Variants in CARMIL2 observed in about 807,000 individuals in gnomAD.
CARMIL2 encodes capping protein, Arp2/3 and myosin-I linker protein 2.
In CARMIL2, 96 loss-of-function variants were observed where a neutral mutation model predicts 173.3. The observed-to-expected ratio is 0.55, with a 90% CI of 0.47 to 0.66. The LOEUF is 0.66. CARMIL2 is among the 30% of genes least tolerant of loss of function. CARMIL2 has a pLI of 0.00. For synonymous variants in CARMIL2, 830 were observed against 817.1 expected (o/e 1.02, Z -0.27); for missense variants, 1,771 against 1,906.7 (o/e 0.93, Z 1.33).
At chr16:67,647,230 G>A (rs2052609928) in intron 9 of CARMIL2, 39 bp downstream of exon 9, 1 of 1,612,076 alleles carries the variant, frequency 6.2e-7, no homozygotes, top group African/African-American at 1.3e-5. Context: ...GGGGCCAAGG[G>A]TGTGGGCCAG....
chr16:67,647,799 G>GAAA, intron 12 of CARMIL2, 33 bp downstream of exon 12: 1 of 1,073,976 alleles, frequency 9.3e-7, no homozygotes, highest in Non-Finnish European at 1.4e-6. Context: ...TGAGGGGAGG[G>GAAA]GGGTGGGGGT....
In CARMIL2 at chr16:67,649,891, G is replaced by T. The variant is rs1341847572; in HGVS notation, c.2005G>T (p.Ala669Ser). The T allele has an allele frequency of 1.9e-6, 3 of 1,612,750 alleles. No homozygotes were observed. ...QALEQNHSLKAMPLPLNDVAQ... is the reference protein window; with the variant it reads ...QALEQNHSLKSMPLPLNDVAQ... ...GCTGGAGCAGAACCACAGCCTGAAGGCCATGCCTCTGCCACTGAACGACGT... is the reference window on the plus strand; with the variant it reads ...GCTGGAGCAGAACCACAGCCTGAAGTCCATGCCTCTGCCACTGAACGACGT... The change falls in exon 21 of 38, where the codon GCC becomes TCC. Residue 669 changes from alanine (A) to serine (S), a missense_variant. Transcript: ENST00000334583. This position sits in a 1 kb window ranked among gnomAD's most constrained non-coding sequence, Gnocchi z 6.7.
At chr16:67,656,181 C>T in intron 33 of CARMIL2, 47 bp from the exon 34 acceptor site, 1 of 1,612,012 alleles carries the variant, frequency 6.2e-7, no homozygotes, top group Non-Finnish European at 8.5e-7. Flanking sequence ...TTTTTCTTCC[C>T]CTCACCTCCA....
chr16:67,652,286 G>A lies in CARMIL2; in HGVS notation c.2764G>A (p.Gly922Arg). The change falls in exon 27 of 38, where the codon GGG becomes AGG. Residue 922 changes from glycine (G) to arginine (R), a missense_variant. Physicochemically the swap from Gly to Arg is moderately radical, Grantham distance 125. This residue lies in a region of CARMIL2 where 817 missense variants were observed against 903.5 expected (regional missense o/e 0.90). Coordinates refer to ENST00000334583, the MANE Select transcript of CARMIL2 (RefSeq NM_001013838.3). This position sits in a 1 kb window ranked among gnomAD's most constrained non-coding sequence, Gnocchi z 4.7. ...DGGEPSLLEP[G>R]ELEGLFFPEE... ...AGGTGAGCCCAGCCTCCTTGAGCCTGGGGAATTGGAAGGTCTTTTCTTCCC... is the reference window on the plus strand; with the variant it reads ...AGGTGAGCCCAGCCTCCTTGAGCCTAGGGAATTGGAAGGTCTTTTCTTCCC... The A allele has an allele frequency of 6.2e-7, 1 of 1,613,334 alleles. No homozygotes were observed. The highest frequency in any genetic ancestry group is 1.1e-5 in the South Asian group (1 of 91,082).
chr16:67,646,448 C>A lies in CARMIL2; in HGVS notation c.397C>A (p.Pro133Thr), dbSNP rs780810870. The change falls in exon 6 of 38, where the codon CCA becomes ACA. Residue 133 changes from proline (P) to threonine (T), a missense_variant. Pro to Thr is a conservative substitution (Grantham distance 38). This residue lies in a region of CARMIL2 where 944 missense variants were observed against 975.6 expected (regional missense o/e 0.97). Transcript: ENST00000334583. This position sits in a 1 kb window ranked among gnomAD's most constrained non-coding sequence, Gnocchi z 4.6. ...CAGGAAGCTATTCCGGAGGCCCACA[C>A]CAGCCTCCATGCTGGCTCGGCTGGA... Reference protein sequence around the residue: ...TLGKLFRRPTPASMLARLERS... With the variant: ...TLGKLFRRPTTASMLARLERS... 6.2e-7 allele frequency: 1 copy of A among 1,613,784 alleles called. No individual in the cohort carries two copies. The highest frequency in any genetic ancestry group is 1.3e-5 in the African/African-American group (1 of 75,046).
In CARMIL2 at chr16:67,654,545, T is replaced by C; in HGVS notation, c.3435T>C (p.Gly1145=). 1 of 1,611,924 alleles carries C rather than the reference T, an allele frequency of 6.2e-7. No homozygotes were observed. The highest frequency in any genetic ancestry group is 1.3e-5 in the African/African-American group (1 of 74,986). Residue 1145 remains glycine, a synonymous_variant, in exon 31 of 38, where the codon GGT becomes GGC. Coordinates refer to ENST00000334583, the MANE Select transcript of CARMIL2 (RefSeq NM_001013838.3). ...LLRPPTRPSR[G]EELGGAEGDT... ...GGCCGCCAACCCGTCCCAGCCGTGG[T>C]GAGGAGCTTGGTGGGGCTGAGGGGG...
chr16:67,653,273 C>T lies in CARMIL2; in HGVS notation c.3120+19C>T. 2 of 1,106,916 alleles carry T rather than the reference C, an allele frequency of 1.8e-6. No homozygotes were observed. The highest frequency in any genetic ancestry group is 2.2e-6 in the Non-Finnish European group (2 of 896,468). 68.6% of individuals were successfully genotyped at this position (1,106,916 alleles called of 1,614,324 possible). ...CCCCCAGGTGAGCACCCTTCCCCCA[C>T]TCCGGAGCGCGTGGAATTGGGGATC... is the stretch of plus-strand genomic sequence containing the variant. On this transcript the variant is annotated intron_variant, in intron 29 of 37. Transcript: ENST00000334583. The surrounding 1 kb of genome is among the most constrained non-coding windows in gnomAD (Gnocchi z 7.4).
Position 67,649,257 on chromosome 16 carries a change from G to A in CARMIL2, c.1692G>A (p.Glu564=). 1 of 1,613,376 alleles carries A rather than the reference G, an allele frequency of 6.2e-7. No individual in the cohort carries two copies. The highest frequency in any genetic ancestry group is 8.5e-7 in the Non-Finnish European group (1 of 1,179,716). Residue 564 remains glutamate, a synonymous_variant, in exon 19 of 38, where the codon GAG becomes GAA. Transcript: ENST00000334583. The surrounding 1 kb of genome is among the most constrained non-coding windows in gnomAD (Gnocchi z 6.7). ...CAACTGCGGCCCCTGCCCACAGGGAGACCCTGGACGACGTCCTGCACCGGA... is the reference window on the plus strand; with the variant it reads ...CAACTGCGGCCCCTGCCCACAGGGAAACCCTGGACGACGTCCTGCACCGGA... The part of the protein sequence containing the change: ...LGRNFNVRCK[E]TLDDVLHRIV...
In CARMIL2 at chr16:67,653,644, G is replaced by C. The variant is rs2052772648; in HGVS notation, c.3120+390G>C. 6.6e-6 allele frequency among the ~76,000 whole-genome samples: 1 copy of C among 152,180 alleles called. No individual in the cohort carries two copies. Among genetic ancestry groups the C allele is most frequent in the African/African-American group, 2.4e-5 (1 of 41,462 alleles). ...GCGCGTCCGGCGGCGGCGCGTGTGG[G>C]GAGATGCGTGTGTGGGCTGCAAGCC... On this transcript the variant is annotated intron_variant, in intron 29 of 37. Transcript: ENST00000334583. This position sits in a 1 kb window ranked among gnomAD's most constrained non-coding sequence, Gnocchi z 7.4.
At position 67,646,238 on chromosome 16, in the gene CARMIL2, T is replaced by C. The variant is rs200612568; in HGVS notation, c.302T>C (p.Val101Ala). ...GAGCTGGTCCTGGAGTTTCCTGGTGTGGCCGCCCTGGAACAGCTGGCCCAG... is the reference window on the plus strand; with the variant it reads ...GAGCTGGTCCTGGAGTTTCCTGGTGCGGCCGCCCTGGAACAGCTGGCCCAG... ...LRELVLEFPG[V>A]AALEQLAQHV... The change falls in exon 5 of 38, where the codon GTG becomes GCG. Residue 101 changes from valine (V) to alanine (A), a missense_variant. Physicochemically the swap from Val to Ala is moderately conservative, Grantham distance 64 (BLOSUM62 0). Coordinates refer to ENST00000334583, the MANE Select transcript of CARMIL2 (RefSeq NM_001013838.3). This position sits in a 1 kb window ranked among gnomAD's most constrained non-coding sequence, Gnocchi z 4.6. 1 of 1,613,750 alleles carries C rather than the reference T, an allele frequency of 6.2e-7. No homozygotes were observed. Among genetic ancestry groups the C allele is most frequent in the Non-Finnish European group, 8.5e-7 (1 of 1,179,862 alleles).
At position 67,649,883 on chromosome 16, in the gene CARMIL2, G is replaced by T; in HGVS notation, c.1997G>T (p.Ser666Ile). Reference sequence around the variant, plus strand: ...GCGCAGGCGCTGGAGCAGAACCACAGCCTGAAGGCCATGCCTCTGCCACTG... The same window carrying T: ...GCGCAGGCGCTGGAGCAGAACCACATCCTGAAGGCCATGCCTCTGCCACTG... ...DVAQALEQNH[S>I]LKAMPLPLND... Residue 666 changes from serine (S) to isoleucine (I), a missense_variant, in exon 21 of 38, where the codon AGC (serine) becomes ATC (isoleucine). Transcript: ENST00000334583. The surrounding 1 kb of genome is among the most constrained non-coding windows in gnomAD (Gnocchi z 6.7). 6.2e-7 allele frequency: 1 copy of T among 1,612,920 alleles called. No homozygotes were observed. The highest frequency in any genetic ancestry group is 8.5e-7 in the Non-Finnish European group (1 of 1,179,856).
In CARMIL2 at chr16:67,649,037, T is replaced by C; in HGVS notation, c.1592-39T>C. 6 of 1,604,848 alleles carry C rather than the reference T, an allele frequency of 3.7e-6. No homozygotes were observed. The highest frequency in any genetic ancestry group is 5.1e-6 in the Non-Finnish European group (6 of 1,175,980). On this transcript the variant is annotated intron_variant, in intron 17 of 37. Coordinates refer to ENST00000334583, the MANE Select transcript of CARMIL2 (RefSeq NM_001013838.3). This position sits in a 1 kb window ranked among gnomAD's most constrained non-coding sequence, Gnocchi z 6.7. ...TCGATTCCCAATCCCCACCCTACCCTTGCAACTTCGCCTCGTGCGTGACCC... is the reference window on the plus strand; with the variant it reads ...TCGATTCCCAATCCCCACCCTACCCCTGCAACTTCGCCTCGTGCGTGACCC...
chr16:67,645,306 G>T lies in CARMIL2; in HGVS notation c.40+20G>T, dbSNP rs753847496. The T allele has an allele frequency of 3.1e-6, 5 of 1,596,948 alleles. No individual in the cohort carries two copies. Among genetic ancestry groups the T allele is most frequent in the Non-Finnish European group, 2.6e-6 (3 of 1,172,252 alleles). On this transcript the variant is annotated intron_variant, in intron 1 of 37. Coordinates refer to ENST00000334583, the MANE Select transcript of CARMIL2 (RefSeq NM_001013838.3). ...TCCGAGGTAAGCGCTGGCCCTTCCTGCCTTCTTGGCCGGGAGGAAGTAGTG... is the reference window on the plus strand; with the variant it reads ...TCCGAGGTAAGCGCTGGCCCTTCCTTCCTTCTTGGCCGGGAGGAAGTAGTG...
Position 67,653,058 on chromosome 16 carries a change from C to A in CARMIL2, c.2924C>A (p.Ala975Asp). ...EEAEPEPELA[A>D]PGEDAEPQAG... is the part of the protein sequence containing the mutation. The stretch of plus-strand genomic sequence containing the variant: ...GCGGAGCCGGAGCCCGAGCTGGCGG[C>A]TCCGGGAGAAGATGCAGAGCCGCAG... Residue 975 changes from alanine to aspartate, a missense_variant, in exon 29 of 38, where the codon GCT becomes GAT. Physicochemically the swap from Ala to Asp is moderately radical, Grantham distance 126 (BLOSUM62 -2). Coordinates refer to ENST00000334583, the MANE Select transcript of CARMIL2 (RefSeq NM_001013838.3). This position sits in a 1 kb window ranked among gnomAD's most constrained non-coding sequence, Gnocchi z 7.4. The A allele has an allele frequency of 7.9e-7, 1 of 1,270,106 alleles. No individual in the cohort carries two copies. Among genetic ancestry groups the A allele is most frequent in the Non-Finnish European group, 1.0e-6 (1 of 997,262 alleles). 78.7% of individuals were successfully genotyped at this position (1,270,106 alleles called of 1,614,324 possible).
intron 29 of CARMIL2, 67 bp from the exon 30 acceptor site, chr16:67,654,082 G>A (rs948390197): frequency 1.9e-5 from 4 of 208,952 alleles, no homozygotes; most frequent in African/African-American, 4.3e-5. Context: ...CTGCCGGCCG[G>A]GGGGGGGGGG....
In CARMIL2 at chr16:67,653,124, C is replaced by T; in HGVS notation, c.2990C>T (p.Pro997Leu). ...SARGSPSPAA[P>L]GPPAGPLPRM... ...CGCGGCTCTCCGAGCCCTGCCGCCC[C>T]TGGGCCCCCGGCCGGCCCGCTGCCC... The change falls in exon 29 of 38, where the codon CCT becomes CTT. Residue 997 changes from proline (P) to leucine (L), a missense_variant. Pro to Leu is a moderately conservative substitution (Grantham distance 98). Transcript: ENST00000334583. This position sits in a 1 kb window ranked among gnomAD's most constrained non-coding sequence, Gnocchi z 7.4. The T allele has an allele frequency of 8.0e-6, 9 of 1,124,874 alleles. No individual in the cohort carries two copies. The highest frequency in any genetic ancestry group is 9.8e-6 in the Non-Finnish European group (9 of 918,318). 69.7% of individuals were successfully genotyped at this position (1,124,874 alleles called of 1,614,324 possible).
chr16:67,648,792 G>A lies in CARMIL2; in HGVS notation c.1509+38G>A. On this transcript the variant is annotated intron_variant, in intron 16 of 37. Transcript: ENST00000334583. The surrounding 1 kb of genome is among the most constrained non-coding windows in gnomAD (Gnocchi z 6.1). ...CCCCAGAAGAGACCACACATTGGGA[G>A]AGGCGCTGGGAGGCGGAAGGGCAGG... The A allele has an allele frequency of 1.3e-6, 2 of 1,569,804 alleles. No homozygotes were observed. Among genetic ancestry groups the A allele is most frequent in the Admixed American group, 1.9e-5 (1 of 53,134 alleles).
At position 67,652,752 on chromosome 16, in the gene CARMIL2, G is replaced by C. The variant is rs561267305; in HGVS notation, c.2884+214G>C. ...CTGGGCGGATCTGGGACAGGACACC[G>C]GCTCAGCTCGCCTCCCCGCGCCCCT... is the stretch of plus-strand genomic sequence containing the variant. On this transcript the variant is annotated intron_variant, in intron 28 of 37. Transcript: ENST00000334583. This position sits in a 1 kb window ranked among gnomAD's most constrained non-coding sequence, Gnocchi z 4.7. 6.2e-4 allele frequency among the ~76,000 whole-genome samples: 95 copies of C among 152,228 alleles called. No homozygotes were observed. Among genetic ancestry groups the C allele is most frequent in the Non-Finnish European group, 1.1e-3 (74 of 67,960 alleles).
rs1187612586 is a variant in CARMIL2, at chr16:67,649,415, T to A, written c.1747-32T>A. On this transcript the variant is annotated intron_variant, in intron 19 of 37. Transcript: ENST00000334583. The surrounding 1 kb of genome is among the most constrained non-coding windows in gnomAD (Gnocchi z 6.7). Reference sequence around the variant, plus strand: ...TGACCTGCCCTCACTGACCCCTGACTCCAGCCATCAATGGCTTTCTCTTAA... The same window carrying A: ...TGACCTGCCCTCACTGACCCCTGACACCAGCCATCAATGGCTTTCTCTTAA... 7 of 1,611,342 alleles carry A rather than the reference T, an allele frequency of 4.3e-6. No individual in the cohort carries two copies. In the South Asian group the frequency reaches 6.6e-5, roughly 15 times the overall value.
Sources: gnomAD v4.1 joint callset for allele counts (sites outside exome capture counted in the v4.1 genomes callset) on GRCh38, gnomAD v4.1.1 for gene constraint, gnomAD v4.1.1 regional missense constraint, Gnocchi (gnomAD v3.1) non-coding constraint, MANE v1.5 for transcripts, NCBI Gene and HGNC (gene_info 2026-07-23, HGNC 2026-07-21) for gene names.